Variants in TKT observed in about 807,000 individuals in gnomAD.
The protein encoded by TKT is transketolase, also known as epididymis luminal protein 107.
TKT carries 47 observed loss-of-function variants against 63.9 expected under a neutral mutation model. That is an observed-to-expected ratio of 0.74 (90% CI 0.58 to 0.94). TKT has a LOEUF of 0.94. Among genes scored for constraint, TKT ranks in the 40% least tolerant of loss-of-function variants. TKT has a pLI of 0.00. For synonymous variants in TKT, 338 were observed against 334.1 expected, an observed-to-expected ratio of 1.01 and a Z score of -0.13; for missense variants, 721 against 846.2, an observed-to-expected ratio of 0.85 and a Z score of 1.84.
chr3:53,227,649 C>T (rs1477611586), intron 12 of TKT: 2 of 186,164 alleles, frequency 1.1e-5, no homozygotes, highest in Non-Finnish European at 2.3e-5. Context: ...TGCATGTAAC[C>T]CTCAGGAGAG....
chr3:53,249,412 T>TC (rs2106726796), intron 1 of TKT, among the ~76,000 whole-genome samples: 1 of 152,088 alleles, frequency 6.6e-6, no homozygotes, highest in Non-Finnish European at 1.5e-5. Flanking sequence ...TGAAACCCCA[T>TC]CCCTACTGAA....
rs781927503 is a variant in TKT, at chr3:53,226,801, C to T, written c.1651G>A (p.Ala551Thr). 1 of 1,614,176 alleles carries T rather than the reference C, an allele frequency of 6.2e-7. No individual in the cohort carries two copies. The highest frequency in any genetic ancestry group is 1.7e-5 in the Admixed American group (1 of 60,018). Residue 551 changes from alanine (A) to threonine (T), a missense_variant, in exon 13 of 14, where the codon GCC becomes ACC. Physicochemically the swap from Ala to Thr is moderately conservative, Grantham distance 58. Transcript: ENST00000462138. ...ACGGTGAGGATCCTGCCCTTGGTGG[C>T]ACGAGCGCTGTCGAGAATGAGTTTT... ...DRKLILDSAR[A>T]TKGRILTVED...
rs751068013 is a variant in TKT at position 53,230,492 on chromosome 3, G to A, written c.1072C>T (p.Arg358Cys). ...SEIFKKEHPDRFIECYIAEQN... is the reference protein window; with the variant it reads ...SEIFKKEHPDCFIECYIAEQN... ...TCAGCAATGTAGCACTCGATGAAGC[G>A]GTCCGGGTGCTCCTTTTTGAAGATC... is the stretch of plus-strand genomic sequence containing the variant. Residue 358 changes from arginine (R) to cysteine (C), a missense_variant, in exon 8 of 14, where the codon CGC (arginine) becomes TGC (cysteine). By Grantham distance (180) the Arg-to-Cys change is radical. Transcript: ENST00000462138. The A allele has an allele frequency of 1.3e-5, 21 of 1,614,082 alleles. No homozygotes were observed. Among genetic ancestry groups the A allele is most frequent in the African/African-American group, 4.0e-5 (3 of 74,936 alleles).
chr3:53,255,551 A>C (rs892251679), intron 1 of TKT, among the ~76,000 whole-genome samples: 3 of 152,178 alleles, frequency 2.0e-5, no homozygotes, highest in Non-Finnish European at 2.9e-5. Context: ...GCCACCATGC[A>C]GCTGCGCGGC....
intron 4 of TKT, among the ~76,000 whole-genome samples, chr3:53,239,159 T>C (rs78438900): frequency 0.012 from 1,791 of 152,238 alleles, 29 homozygotes; most frequent in African/African-American, 0.041. Context: ...ATGTGACTTG[T>C]TCCTCCTTAC....
intron 1 of TKT, among the ~76,000 whole-genome samples, chr3:53,254,170 T>G (rs1488780564): frequency 6.6e-6 from 1 of 152,168 alleles, no homozygotes; most frequent in African/African-American, 2.4e-5. Context: ...CAATACTACT[T>G]AGTTGGGTAA....
chr3:53,239,926 G>T (rs373884515), intron 4 of TKT, among the ~76,000 whole-genome samples: 1 of 152,142 alleles, frequency 6.6e-6, no homozygotes, highest in Non-Finnish European at 1.5e-5. Context: ...AGGGCTGGGG[G>T]CAAAACAGGA....
intron 1 of TKT, among the ~76,000 whole-genome samples, chr3:53,249,987 C>T (rs1167345842): frequency 6.6e-6 from 1 of 152,218 alleles, no homozygotes; most frequent in Non-Finnish European, 1.5e-5. Context: ...GGCCGGACAT[C>T]AGTTAGAGTC....
intron 1 of TKT, among the ~76,000 whole-genome samples, chr3:53,249,394 C>T (rs1705654683): frequency 6.6e-6 from 1 of 151,880 alleles, no homozygotes; most frequent in African/African-American, 2.4e-5. Flanking sequence ...CCAGCCTGGC[C>T]AACATGGTGA....
At chr3:53,241,592 CGA>C (rs1705277191) in intron 2 of TKT, among the ~76,000 whole-genome samples, 1 of 152,210 alleles carries the variant, frequency 6.6e-6, no homozygotes, top group African/African-American at 2.4e-5. Flanking sequence ...AAAGCCTGCC[CGA>C]GAGACCAAAC....
chr3:53,241,076 T>G (rs145530792), intron 3 of TKT, 56 bp downstream of exon 3: 10 of 1,447,252 alleles, frequency 6.9e-6, no homozygotes, highest in Middle Eastern at 1.8e-4. Flanking sequence ...GTCCCACATG[T>G]CTGGGAAATA....
Position 53,242,190 on chromosome 3 carries a change from G to A in TKT, c.160C>T (p.His54Tyr), listed in dbSNP as rs368648873. Residue 54 changes from histidine to tyrosine, a missense_variant, in exon 2 of 14, where the codon CAC (histidine) becomes TAC (tyrosine). His to Tyr is a moderately conservative substitution (Grantham distance 83). Coordinates refer to ENST00000462138, the MANE Select transcript of TKT (RefSeq NM_001064.4). ...TCCTGGGACTTGTAGCGCATGGTGT[G>A]GAAAAAGAGGACAGCCATGATCTCT... ...AAEIMAVLFFHTMRYKSQDPR... is the reference protein window; with the variant it reads ...AAEIMAVLFFYTMRYKSQDPR... The A allele has an allele frequency of 2.5e-6, 4 of 1,614,146 alleles. No homozygotes were observed. The African/African-American group carries it at 5.3e-5, about 22-fold the overall frequency.
chr3:53,228,323 C>T lies in TKT; in HGVS notation c.1432G>A (p.Ala478Thr), dbSNP rs1553676031. 1 of 1,614,194 alleles carries T rather than the reference C, an allele frequency of 6.2e-7. No individual in the cohort carries two copies. The highest frequency in any genetic ancestry group is 1.7e-5 in the Admixed American group (1 of 60,036). Residue 478 changes from alanine (A) to threonine (T), a missense_variant, in exon 11 of 14, where the codon GCC (alanine) becomes ACC (threonine). Transcript: ENST00000462138. ...TCCTCATTGTTGTTATAGATGATGG[C>T]ATTTTCTGGGCGGCTGGTCCGGATG... ...CFIRTSRPEN[A>T]IIYNNNEDFQ... is the part of the protein sequence containing the mutation.
intron 13 of TKT, 200 bp from the exon 14 acceptor site, chr3:53,226,131 C>A (rs1193947308): frequency 3.0e-5 from 15 of 499,616 alleles, no homozygotes; most frequent in Non-Finnish European, 4.5e-5. Context: ...GTTGCCCAGG[C>A]TGGTCTCCCA....
chr3:53,234,974 C>T lies in TKT; in HGVS notation c.629+9G>A, dbSNP rs191724044. On this transcript the variant is annotated intron_variant, in intron 5 of 13. Transcript: ENST00000462138. Reference sequence around the variant, plus strand: ...TGTGACCACACTCAGGCCACAGCCTCGTACATACCCGAAGGCCTCGCACCG... The same window carrying T: ...TGTGACCACACTCAGGCCACAGCCTTGTACATACCCGAAGGCCTCGCACCG... 5.5e-5 allele frequency: 88 copies of T among 1,607,020 alleles called. No homozygotes were observed. Among genetic ancestry groups the T allele is most frequent in the African/African-American group, 5.1e-4 (38 of 75,010 alleles).
chr3:53,247,772 T>G (rs1428323047), intron 1 of TKT, among the ~76,000 whole-genome samples: 2 of 152,040 alleles, frequency 1.3e-5, no homozygotes, highest in Non-Finnish European at 2.9e-5. Context: ...AACCTCTGGC[T>G]CCAGACCTCA....
chr3:53,232,969 T>C, intron 6 of TKT, 187 bp downstream of exon 6: 1 of 581,080 alleles, frequency 1.7e-6, no homozygotes, highest in Admixed American at 3.2e-5. Flanking sequence ...GCCAGACGGA[T>C]CTGAGTTTAA....
intron 5 of TKT, 27 bp from the exon 6 acceptor site, chr3:53,233,301 G>A: frequency 1.3e-6 from 2 of 1,577,032 alleles, no homozygotes; most frequent in East Asian, 2.3e-5. Context: ...GAGAGTAAGG[G>A]GCAATTCCCA....
rs3736151 is a variant in TKT at position 53,225,592 on chromosome 3, C to T, written c.*164G>A. On this transcript the variant is annotated 3_prime_UTR_variant, in exon 14 of 14. Coordinates refer to ENST00000462138, the MANE Select transcript of TKT (RefSeq NM_001064.4). ...CCCTAGCGCACCCTCCACGCTTCTT[C>T]CCCAGAACCTGCACTGGCTGCAAAC... is the stretch of plus-strand genomic sequence containing the variant. 158,270 of 862,028 alleles carry T rather than the reference C, an allele frequency of 0.18. 15,508 individuals are homozygous for T. The highest frequency in any genetic ancestry group is 0.28 in the South Asian group (12,851 of 46,000). The allele number at this position is 862,028 out of a possible 1,614,324, so 53.4% of individuals were successfully genotyped here. A position where few individuals can be genotyped will look rare whatever the true frequency, so the allele number is the denominator to read the frequency against.
Sources: gnomAD v4.1 joint callset for allele counts (sites outside exome capture counted in the v4.1 genomes callset) on GRCh38, gnomAD v4.1.1 for gene constraint, MANE v1.5 for transcripts, NCBI Gene and HGNC (gene_info 2026-07-23, HGNC 2026-07-21) for gene names.